BRF1: variants seen among roughly 807,000 people sequenced by gnomAD.
BRF1 encodes BRF1 general transcription factor IIIB subunit.
BRF1 carries 59 observed loss-of-function variants against 81.7 expected under a neutral mutation model. The observed-to-expected ratio is 0.72, with a 90% CI of 0.59 to 0.90. The LOEUF (loss-of-function observed/expected upper bound fraction) is 0.90. BRF1 is among the 40% of genes least tolerant of loss of function. The pLI is 0.00. For synonymous variants in BRF1, 491 were observed against 395.6 expected, an observed-to-expected ratio of 1.24 and a Z score of -2.86; for missense variants, 1,050 against 936.3, an observed-to-expected ratio of 1.12 and a Z score of -1.58.
At chr14:105,293,143 C>A (rs2057591935) in intron 1 of BRF1, among the ~76,000 whole-genome samples, 1 of 152,156 alleles carries the variant, frequency 6.6e-6, no homozygotes, top group African/African-American at 2.4e-5. Flanking sequence ...AGAGCCCCGC[C>A]AGGAGGCCAG....
intron 2 of BRF1, among the ~76,000 whole-genome samples, chr14:105,281,631 G>C (rs1055538263): frequency 2.0e-5 from 3 of 152,192 alleles, no homozygotes; most frequent in South Asian, 4.1e-4. Flanking sequence ...CACAGTGGAG[G>C]GGGGCACTGA....
chr14:105,306,340 GT>G (rs1300083270), intron 1 of BRF1, among the ~76,000 whole-genome samples: 3 of 152,242 alleles, frequency 2.0e-5, no homozygotes, highest in Admixed American at 2.0e-4. Flanking sequence ...GTCTTGCTCT[GT>G]CCCCCAGGCT....
intron 5 of BRF1, chr14:105,249,018 C>G: frequency 8.8e-7 from 1 of 1,138,340 alleles, no homozygotes; most frequent in Non-Finnish European, 1.1e-6. Context: ...GCCCGCGCCG[C>G]CCACACTCGG....
At chr14:105,246,484 C>T (rs1486114469) in intron 5 of BRF1, among the ~76,000 whole-genome samples, 1 of 152,006 alleles carries the variant, frequency 6.6e-6, no homozygotes, top group African/African-American at 2.4e-5. Context: ...TAAGACCAGC[C>T]TGGTCAACGG....
intron 15 of BRF1, among the ~76,000 whole-genome samples, chr14:105,215,187 A>G (rs1890896727): frequency 6.6e-6 from 1 of 152,172 alleles, no homozygotes; most frequent in Non-Finnish European, 1.5e-5. Context: ...ATGCACACAC[A>G]CTGCACACAG....
intron 5 of BRF1, among the ~76,000 whole-genome samples, chr14:105,243,319 G>A (rs1455442723): frequency 4.0e-5 from 6 of 151,364 alleles, no homozygotes; most frequent in Non-Finnish European, 7.4e-5. Flanking sequence ...GTGTGGTGGC[G>A]GGCACCTATA....
intron 10 of BRF1, 98 bp downstream of exon 10, chr14:105,225,971 C>T: frequency 8.2e-7 from 1 of 1,224,470 alleles, no homozygotes; most frequent in Admixed American, 2.2e-5. Context: ...GTAGATAATC[C>T]CCTTCCCTTT....
chr14:105,285,563 A>T (rs2057284868), intron 2 of BRF1, among the ~76,000 whole-genome samples: 1 of 152,228 alleles, frequency 6.6e-6, no homozygotes, highest in Non-Finnish European at 1.5e-5. Context: ...ACTCCAAAAA[A>T]TCATAAGCAC....
Position 105,300,319 on chromosome 14 carries a change from G to A in BRF1, c.184+127C>T, listed in dbSNP as rs587666714. The A allele has an allele frequency of 4.1e-4, 445 of 1,082,012 alleles. 2 individuals carry two copies. In the African/African-American group the frequency reaches 6.6e-3, roughly 16 times the overall value. The allele number at this position is 1,082,012 out of a possible 1,614,324, so 67.0% of individuals were successfully genotyped here. A position where few individuals can be genotyped will look rare whatever the true frequency, so the allele number is the denominator to read the frequency against. On this transcript the variant is annotated intron_variant, in intron 1 of 17. Coordinates refer to ENST00000547530, the MANE Select transcript of BRF1 (RefSeq NM_001519.4). ...AGGGGATCCACACTCGCGCCCAGAC[G>A]GCGCAGAACCGCGCGCCCCGACAGA...
At chr14:105,298,796 A>T (rs958022819) in intron 1 of BRF1, among the ~76,000 whole-genome samples, 2 of 151,978 alleles carry the variant, frequency 1.3e-5, no homozygotes, top group Admixed American at 1.3e-4. Context: ...CAGAGGTTGC[A>T]GTGAAACGAG....
chr14:105,297,983 G>A (rs1320611492), intron 1 of BRF1, among the ~76,000 whole-genome samples: 9 of 152,202 alleles, frequency 5.9e-5, no homozygotes, highest in Admixed American at 1.3e-4. Flanking sequence ...GCAGCAAAGC[G>A]AGACTCCGTC....
At chr14:105,255,389 A>G (rs911110396) in intron 4 of BRF1, among the ~76,000 whole-genome samples, 6 of 152,250 alleles carry the variant, frequency 3.9e-5, no homozygotes, top group African/African-American at 1.4e-4. Context: ...TGGGAGGACA[A>G]GGACCCCAGA....
At chr14:105,295,074 C>A (rs1261692380) in intron 1 of BRF1, among the ~76,000 whole-genome samples, 1 of 152,062 alleles carries the variant, frequency 6.6e-6, no homozygotes, top group Admixed American at 6.6e-5. Flanking sequence ...CGTTTCCCAA[C>A]CCATTCCATA....
At position 105,211,551 on chromosome 14, in the gene BRF1, C is replaced by T. The variant is rs587648554; in HGVS notation, c.1825-258G>A. Reference sequence around the variant, plus strand: ...TCCTGTATCCTACTGGGCCCCACCCCAGTGCTCGGGGAGCATGCAGAACAC... The same window carrying T: ...TCCTGTATCCTACTGGGCCCCACCCTAGTGCTCGGGGAGCATGCAGAACAC... On this transcript the variant is annotated intron_variant, in intron 16 of 17. Coordinates refer to ENST00000547530, the MANE Select transcript of BRF1 (RefSeq NM_001519.4). 39 of 520,570 alleles carry T rather than the reference C, an allele frequency of 7.5e-5. 1 individual carries two copies. In the Admixed American group the frequency reaches 1.2e-3, roughly 16 times the overall value. The allele number at this position is 520,570 out of a possible 1,614,324, so 32.2% of individuals were successfully genotyped here. A position where few individuals can be genotyped will look rare whatever the true frequency, so the allele number is the denominator to read the frequency against.
At chr14:105,275,967 G>C in intron 2 of BRF1, among the ~76,000 whole-genome samples, 1 of 144,764 alleles carries the variant, frequency 6.9e-6, no homozygotes, top group Non-Finnish European at 1.5e-5. Flanking sequence ...CAGTGAGAAG[G>C]AGCTGAGAGG....
chr14:105,285,481 C>A (rs776699826), intron 2 of BRF1, among the ~76,000 whole-genome samples: 5 of 152,212 alleles, frequency 3.3e-5, no homozygotes, highest in Non-Finnish European at 7.3e-5. Context: ...AAGGCAGGCC[C>A]TTACCTTACA....
rs1025410232 is a variant in BRF1, at chr14:105,269,745, G to T, written c.439+2976C>A. 7.2e-5 allele frequency among the ~76,000 whole-genome samples: 11 copies of T among 152,152 alleles called. No homozygotes were observed. The highest frequency in any genetic ancestry group is 1.6e-4 in the Non-Finnish European group (11 of 68,032). Reference sequence around the variant, plus strand: ...CACCCCATGAAGGCCCATGTCCCAGGGCATCTGTCCCCCCCACAGGAGGCC... The same window carrying T: ...CACCCCATGAAGGCCCATGTCCCAGTGCATCTGTCCCCCCCACAGGAGGCC... On this transcript the variant is annotated intron_variant, in intron 3 of 17. Transcript: ENST00000547530. The surrounding 1 kb of genome is among the most constrained non-coding windows in gnomAD (Gnocchi z 5.0).
At chr14:105,220,934 C>G (rs928594312) in intron 11 of BRF1, among the ~76,000 whole-genome samples, 1 of 152,254 alleles carries the variant, frequency 6.6e-6, no homozygotes, top group Non-Finnish European at 1.5e-5. Flanking sequence ...CATGTCCCCT[C>G]TGCCTGTTGC....
At chr14:105,243,601 GA>G (rs1002937476) in intron 5 of BRF1, among the ~76,000 whole-genome samples, 27 of 140,824 alleles carry the variant, frequency 1.9e-4, no homozygotes, top group Non-Finnish European at 1.7e-4. Flanking sequence ...CTGGGCAACA[GA>G]AAAAAAAAAA....
Sources: gnomAD v4.1 joint callset for allele counts (sites outside exome capture counted in the v4.1 genomes callset) on GRCh38, gnomAD v4.1.1 for gene constraint, Gnocchi (gnomAD v3.1) non-coding constraint, MANE v1.5 for transcripts, NCBI Gene and HGNC (gene_info 2026-07-23, HGNC 2026-07-21) for gene names.